The following COL13A1 variants were observed in gnomAD, a reference collection of about 807,000 sequenced individuals.
COL13A1 encodes collagen alpha-1(XIII) chain.
Under a neutral mutation model 130.9 loss-of-function variants are expected in COL13A1, and 89 were observed. The ratio of observed to expected loss-of-function variants is 0.68; its 90% CI spans 0.57 to 0.81. The LOEUF is 0.81. COL13A1 is among the 30% of genes least tolerant of loss of function. The probability of loss-of-function intolerance (pLI) is 0.00; values close to 1 mark genes in which losing one functional copy is unlikely to be tolerated. For synonymous variants in COL13A1, 402 were observed against 341.6 expected, an observed-to-expected ratio of 1.18 and a Z score of -1.95; for missense variants, 879 against 934.6, an observed-to-expected ratio of 0.94 and a Z score of 0.78.
chr10:69,910,328 G>A (rs1267343652), intron 17 of COL13A1, among the ~76,000 whole-genome samples: 3 of 152,004 alleles, frequency 2.0e-5, no homozygotes, highest in Non-Finnish European at 4.4e-5. Context: ...TGAGACAGGG[G>A]CCATGTGACT....
intron 2 of COL13A1, among the ~76,000 whole-genome samples, chr10:69,827,258 A>G (rs1230389638): frequency 6.6e-6 from 1 of 152,190 alleles, no homozygotes; most frequent in Non-Finnish European, 1.5e-5. Context: ...TGTCAAGACT[A>G]CAAAGAGTCA....
intron 35 of COL13A1, among the ~76,000 whole-genome samples, chr10:69,942,668 T>C (rs2067814591): frequency 1.3e-5 from 2 of 152,236 alleles, no homozygotes; most frequent in African/African-American, 4.8e-5. Context: ...ACCAAATGCT[T>C]GCTACGCATT....
At chr10:69,925,705 G>A (rs1414190106) in intron 25 of COL13A1, 99 bp from the exon 26 acceptor site, 13 of 836,116 alleles carry the variant, frequency 1.6e-5, no homozygotes, top group Non-Finnish European at 2.0e-5. Context: ...CCCATGTGCA[G>A]CTAGGTGCAG....
chr10:69,903,220 G>T (rs1311849949), intron 15 of COL13A1, among the ~76,000 whole-genome samples: 1 of 152,232 alleles, frequency 6.6e-6, no homozygotes, highest in East Asian at 1.9e-4. Context: ...TCTGAAGGAG[G>T]TAGTGAGGGG....
chr10:69,885,847 T>C (rs1167060800), intron 7 of COL13A1, among the ~76,000 whole-genome samples: 1 of 152,134 alleles, frequency 6.6e-6, no homozygotes, highest in Non-Finnish European at 1.5e-5. Context: ...GCCCTTCCGA[T>C]AGATGAGTGG....
chr10:69,881,632 G>A (rs2060148540), intron 7 of COL13A1, among the ~76,000 whole-genome samples: 1 of 152,238 alleles, frequency 6.6e-6, no homozygotes, highest in Non-Finnish European at 1.5e-5. Context: ...ACATGTCAGG[G>A]GCTGGGTCGG....
At chr10:69,808,579 G>A (rs11595815) in intron 1 of COL13A1, among the ~76,000 whole-genome samples, 12,708 of 152,178 alleles carry the variant, frequency 0.084, 732 homozygotes, top group Non-Finnish European at 0.11. Flanking sequence ...CCAGGCTGCC[G>A]CTCCCGTCCA....
intron 32 of COL13A1, among the ~76,000 whole-genome samples, chr10:69,936,337 C>T (rs552173095): frequency 1.3e-5 from 2 of 152,300 alleles, no homozygotes; most frequent in South Asian, 2.1e-4. Context: ...GGTTCATGGT[C>T]CCCAAGGCAC....
chr10:69,882,829 C>G (rs1332126017), intron 7 of COL13A1, among the ~76,000 whole-genome samples: 5 of 152,240 alleles, frequency 3.3e-5, no homozygotes, highest in African/African-American at 1.2e-4. Flanking sequence ...CCCCATCACC[C>G]AGTGGCTCGA....
intron 2 of COL13A1, among the ~76,000 whole-genome samples, chr10:69,856,907 G>T (rs1249984608): frequency 6.6e-6 from 1 of 152,154 alleles, no homozygotes; most frequent in Non-Finnish European, 1.5e-5. Context: ...GAGCTGAGGG[G>T]TCAGAGCCAG....
intron 2 of COL13A1, among the ~76,000 whole-genome samples, chr10:69,828,054 G>T (rs1847924672): frequency 1.3e-5 from 2 of 152,162 alleles, no homozygotes; most frequent in Non-Finnish European, 2.9e-5. Flanking sequence ...TAAACTAAAG[G>T]TATACTGTTT....
At chr10:69,944,411 T>C (rs955291208) in intron 36 of COL13A1, among the ~76,000 whole-genome samples, 1 of 152,108 alleles carries the variant, frequency 6.6e-6, no homozygotes, top group Non-Finnish European at 1.5e-5. Context: ...ATCCCAACAC[T>C]CTGGGAGGCC....
chr10:69,832,370 CA>C (rs1849030797), intron 2 of COL13A1, among the ~76,000 whole-genome samples: 1 of 152,228 alleles, frequency 6.6e-6, no homozygotes, highest in Non-Finnish European at 1.5e-5. Flanking sequence ...TCCAGCACAG[CA>C]AAAGCCACCT....
In COL13A1 at chr10:69,878,980, T is replaced by C. The variant is rs185087753; in HGVS notation, c.462+915T>C. Among the ~76,000 whole-genome samples, 5 of 152,346 alleles carry C rather than the reference T, an allele frequency of 3.3e-5. No individual in the cohort carries two copies. The East Asian group carries it at 9.6e-4, about 29-fold the overall frequency. ...TAGTTTCCCATCTCCAAAATAACAA[T>C]CTCAACAATTATAATACAGTTGCCA... On this transcript the variant is annotated intron_variant, in intron 6 of 40. Coordinates refer to ENST00000645393, the MANE Select transcript of COL13A1 (RefSeq NM_001368882.1).
intron 5 of COL13A1, among the ~76,000 whole-genome samples, chr10:69,875,962 C>A (rs1488359529): frequency 6.6e-6 from 1 of 152,234 alleles, no homozygotes; most frequent in African/African-American, 2.4e-5. Context: ...CCATGTCATT[C>A]TCAGCTTTGC....
chr10:69,802,844 C>A (rs1024010802), intron 1 of COL13A1, 127 bp downstream of exon 1: 4 of 1,197,964 alleles, frequency 3.3e-6, no homozygotes, highest in Admixed American at 2.0e-5. Context: ...GAGTTGCCTG[C>A]GGGAGGGGTC....
At chr10:69,920,048 C>T (rs2064429021) in intron 21 of COL13A1, among the ~76,000 whole-genome samples, 2 of 152,220 alleles carry the variant, frequency 1.3e-5, no homozygotes, top group African/African-American at 4.8e-5. Context: ...CCAAACTAAG[C>T]ACATCTGCAG....
chr10:69,912,975 G>C (rs1445722810), intron 17 of COL13A1, among the ~76,000 whole-genome samples: 1 of 152,212 alleles, frequency 6.6e-6, no homozygotes, highest in Non-Finnish European at 1.5e-5. Flanking sequence ...TCAATGCTGT[G>C]TGGTGCTCAG....
intron 2 of COL13A1, among the ~76,000 whole-genome samples, chr10:69,853,477 A>C (rs1429694187): frequency 1.3e-5 from 2 of 152,242 alleles, no homozygotes; most frequent in African/African-American, 4.8e-5. Flanking sequence ...CTAGGGAAGC[A>C]CGATGCTCTC....
Sources: gnomAD v4.1 joint callset for allele counts (sites outside exome capture counted in the v4.1 genomes callset) on GRCh38, gnomAD v4.1.1 for gene constraint, MANE v1.5 for transcripts, NCBI Gene and HGNC (gene_info 2026-07-23, HGNC 2026-07-21) for gene names.